Variants in NPAS3 observed in about 807,000 individuals in gnomAD.
NPAS3 encodes the protein neuronal PAS domain protein 3, also known as neuronal PAS domain-containing protein 3.
In NPAS3, 14 loss-of-function variants were observed where a neutral mutation model predicts 73.1. The observed-to-expected ratio is 0.19, with a 90% CI of 0.13 to 0.30. The LOEUF (loss-of-function observed/expected upper bound fraction) is 0.30, where lower values mean the gene tolerates loss of function less well. NPAS3 is among the 10% of genes least tolerant of loss of function. The pLI is 1.00. For synonymous variants in NPAS3, 620 were observed against 541.5 expected, an observed-to-expected ratio of 1.14 and a Z score of -2.01; for missense variants, 1,096 against 1,250.0, an observed-to-expected ratio of 0.88 and a Z score of 1.86.
At chr14:33,517,167 A>G (rs868063710) in intron 4 of NPAS3, among the ~76,000 whole-genome samples, 1 of 152,098 alleles carries the variant, frequency 6.6e-6, no homozygotes, top group South Asian at 2.1e-4. Context: ...ACTAATGTTC[A>G]TGATACTGGC....
At chr14:33,476,732 A>T (rs2139666557) in intron 4 of NPAS3, among the ~76,000 whole-genome samples, 1 of 152,278 alleles carries the variant, frequency 6.6e-6, no homozygotes, top group East Asian at 1.9e-4. Flanking sequence ...GGCAATTTTC[A>T]TGGCTTTTCC....
At chr14:33,507,893 C>G (rs1012706473) in intron 4 of NPAS3, among the ~76,000 whole-genome samples, 1 of 151,976 alleles carries the variant, frequency 6.6e-6, no homozygotes, top group Non-Finnish European at 1.5e-5. Context: ...TAGTTTCCAT[C>G]TTTAATGTGG....
At chr14:33,273,699 A>G (rs1204209492) in intron 3 of NPAS3, among the ~76,000 whole-genome samples, 1 of 152,202 alleles carries the variant, frequency 6.6e-6, no homozygotes, top group Non-Finnish European at 1.5e-5. Flanking sequence ...CTCATTAAAA[A>G]TGATAGATTT....
Position 33,320,134 on chromosome 14 carries a change from A to G in NPAS3, c.386-47052A>G, listed in dbSNP as rs2043375982. On this transcript the variant is annotated intron_variant, in intron 3 of 11. Coordinates refer to ENST00000356141, the Ensembl canonical transcript of NPAS3. ...GTTGGTAGAAGAGCACTTTGCAGAA[A>G]GGGAATGGCATGAACATCATTTGGG... Among the ~76,000 whole-genome samples, 6 of 152,256 alleles carry G rather than the reference A, an allele frequency of 3.9e-5. No individual in the cohort carries two copies. The South Asian group carries it at 1.2e-3, about 32-fold the overall frequency.
At chr14:33,789,833 C>T (rs1281098012) in intron 9 of NPAS3, among the ~76,000 whole-genome samples, 1 of 151,872 alleles carries the variant, frequency 6.6e-6, no homozygotes, top group Non-Finnish European at 1.5e-5. Context: ...TCGTGATCCG[C>T]CCGCCTCGGC....
intron 7 of NPAS3, among the ~76,000 whole-genome samples, chr14:33,738,294 C>T (rs1002419583): frequency 2.0e-5 from 3 of 152,160 alleles, no homozygotes; most frequent in African/African-American, 4.8e-5. Flanking sequence ...CAAGGCTGTC[C>T]GCTTGGCCCC....
chr14:33,202,514 A>G (rs1388525936), intron 2 of NPAS3, among the ~76,000 whole-genome samples: 3 of 152,194 alleles, frequency 2.0e-5, no homozygotes, highest in East Asian at 1.9e-4. Context: ...TGAGAGGACT[A>G]AGCACCTAAT....
At chr14:33,346,138 T>C (rs2044716927) in intron 3 of NPAS3, among the ~76,000 whole-genome samples, 1 of 151,426 alleles carries the variant, frequency 6.6e-6, no homozygotes, top group African/African-American at 2.4e-5. Context: ...GGCAGGAGAA[T>C]TGCTTGAACC....
intron 2 of NPAS3, among the ~76,000 whole-genome samples, chr14:33,102,167 G>GC (rs2042596551): frequency 6.6e-6 from 1 of 152,124 alleles, no homozygotes; most frequent in Non-Finnish European, 1.5e-5. Context: ...ATGGTCACCT[G>GC]CCGTTGGGAC....
chr14:33,168,531 G>A (rs961176765), intron 2 of NPAS3, among the ~76,000 whole-genome samples: 12 of 152,312 alleles, frequency 7.9e-5, no homozygotes, highest in African/African-American at 2.9e-4. Context: ...ACATTTCCGA[G>A]TTGGAGCCCC....
Position 33,800,346 on chromosome 14 carries a change from A to G in NPAS3, c.2039A>G (p.Tyr680Cys), listed in dbSNP as rs2063660350. The G allele has an allele frequency of 2.5e-6, 4 of 1,612,314 alleles. No individual in the cohort carries two copies. Among genetic ancestry groups the G allele is most frequent in the African/African-American group, 1.3e-5 (1 of 74,906 alleles). The change falls in exon 12 of 12, where the codon TAC becomes TGC. Residue 680 changes from tyrosine to cysteine, a missense_variant. Transcript: ENST00000356141. This position sits in a 1 kb window ranked among gnomAD's most constrained non-coding sequence, Gnocchi z 6.5. ...GAGATCTCCAGGAACGAGTCCCCCT[A>G]CAGCATGACCAAGCCCCCCAGCTCT... is the stretch of plus-strand genomic sequence containing the variant.
chr14:33,441,299 A>G, intron 4 of NPAS3, among the ~76,000 whole-genome samples: 1 of 152,246 alleles, frequency 6.6e-6, no homozygotes, highest in East Asian at 1.9e-4. Context: ...ATAAAACTTT[A>G]TAGAGAGACT....
At chr14:33,217,324 A>G (rs1290073601) in intron 3 of NPAS3, among the ~76,000 whole-genome samples, 16 of 152,142 alleles carry the variant, frequency 1.1e-4, no homozygotes, top group Admixed American at 9.8e-4. Flanking sequence ...ACCACATTAC[A>G]GATATTAGTA....
At chr14:33,022,664 CA>C (rs34475386) in intron 1 of NPAS3, among the ~76,000 whole-genome samples, 17,998 of 97,388 alleles carry the variant, frequency 0.18, 502 homozygotes, top group Middle Eastern at 0.28. Flanking sequence ...GACTCCGTCC[CA>C]AAAAAAAAAA....
Position 33,506,041 on chromosome 14 carries a change from A to G in NPAS3, c.469-54080A>G, listed in dbSNP as rs114863954. ...CATAAGACTCCCTTCCTCTCAGTAT[A>G]AACAAGCAACACTCTATCTTATCCT... On this transcript the variant is annotated intron_variant, in intron 4 of 11. Transcript: ENST00000356141. Among the ~76,000 whole-genome samples the G allele has an allele frequency of 4.2e-3, 634 of 152,014 alleles. 4 individuals are homozygous for G. The highest frequency in any genetic ancestry group is 0.014 in the African/African-American group (592 of 41,508).
At chr14:33,788,315 G>A (rs1409661558) in intron 9 of NPAS3, among the ~76,000 whole-genome samples, 2 of 152,164 alleles carry the variant, frequency 1.3e-5, no homozygotes, top group South Asian at 2.1e-4. Context: ...CCACAGATGC[G>A]TCCTCCTATC....
chr14:33,315,626 GGAGA>G (rs2043180310), intron 3 of NPAS3, among the ~76,000 whole-genome samples: 1 of 151,750 alleles, frequency 6.6e-6, no homozygotes, highest in Non-Finnish European at 1.5e-5. Context: ...AGGTGAACAG[GGAGA>G]GAGAGAGGCT....
chr14:33,216,695 T>G (rs1343955617), intron 3 of NPAS3, among the ~76,000 whole-genome samples: 3 of 152,086 alleles, frequency 2.0e-5, no homozygotes, highest in African/African-American at 7.3e-5. Flanking sequence ...ACAGCGTGGC[T>G]GTGTTCCAAT....
chr14:33,592,886 C>T (rs2057116805), intron 5 of NPAS3, among the ~76,000 whole-genome samples: 1 of 152,122 alleles, frequency 6.6e-6, no homozygotes, highest in Admixed American at 6.5e-5. Flanking sequence ...TCACTTCTCC[C>T]AGCAGATTAC....
Sources: gnomAD v4.1 joint callset for allele counts (sites outside exome capture counted in the v4.1 genomes callset) on GRCh38, gnomAD v4.1.1 for gene constraint, Gnocchi (gnomAD v3.1) non-coding constraint, MANE v1.5 for transcripts, NCBI Gene and HGNC (gene_info 2026-07-23, HGNC 2026-07-21) for gene names.